Variants in CD38 observed in about 807,000 individuals in gnomAD.
CD38 encodes the protein ADP-ribosyl cyclase/cyclic ADP-ribose hydrolase 1.
CD38 carries 31 observed loss-of-function variants against 36.3 expected under a neutral mutation model. The observed-to-expected ratio is 0.85, with a 90% CI of 0.64 to 1.15. The LOEUF (loss-of-function observed/expected upper bound fraction) is 1.15. Ranked by LOEUF, CD38 falls within the 50% of genes most tolerant of loss-of-function variation. CD38 has a pLI of 0.00. For missense variants in CD38, 380 were observed against 371.9 expected (o/e 1.02, Z -0.18); for synonymous variants, 131 against 135.2 (o/e 0.97, Z 0.22).
chr4:15,787,424 C>T (rs1429497245), intron 1 of CD38, among the ~76,000 whole-genome samples: 1 of 152,230 alleles, frequency 6.6e-6, no homozygotes. Flanking sequence ...GTCTCTTCCT[C>T]CACCTGCCAT....
In CD38 at chr4:15,849,155, C is replaced by T. The variant is rs1027224616; in HGVS notation, c.*553C>T. 6.6e-5 allele frequency: 10 copies of T among 152,238 alleles called. No individual in the cohort carries two copies. The highest frequency in any genetic ancestry group is 2.4e-4 in the African/African-American group (10 of 41,438). 9.4% of individuals were successfully genotyped at this position (152,238 alleles called of 1,614,324 possible). ...TGGTGCTTTACCCCAACCCTTCCAA[C>T]AGTGCTGTGAGGTTGGTATTATTTC... On this transcript the variant is annotated 3_prime_UTR_variant, in exon 8 of 8. Coordinates refer to ENST00000226279, the MANE Select transcript of CD38 (RefSeq NM_001775.4).
chr4:15,810,474 G>C (rs953407875), intron 1 of CD38, among the ~76,000 whole-genome samples: 4 of 152,144 alleles, frequency 2.6e-5, no homozygotes, highest in African/African-American at 9.7e-5. Context: ...ATGGGAACAG[G>C]AAGTTCCCAA....
intron 1 of CD38, among the ~76,000 whole-genome samples, chr4:15,787,352 C>G (rs1722861041): frequency 6.6e-6 from 1 of 152,234 alleles, no homozygotes; most frequent in Non-Finnish European, 1.5e-5. Flanking sequence ...GAGCCTAGTA[C>G]AGAATGAAAA....
intron 1 of CD38, among the ~76,000 whole-genome samples, chr4:15,814,196 C>G (rs1723533354): frequency 6.6e-6 from 1 of 152,184 alleles, no homozygotes; most frequent in Admixed American, 6.5e-5. Flanking sequence ...CTCTAATGAC[C>G]AGTGATGATA....
intron 1 of CD38, among the ~76,000 whole-genome samples, chr4:15,804,984 C>T (rs899348456): frequency 6.6e-6 from 1 of 152,042 alleles, no homozygotes; most frequent in Admixed American, 6.6e-5. Context: ...TACACAGATT[C>T]GATCATTATG....
At chr4:15,833,922 GGATA>G (rs1463144786) in intron 3 of CD38, among the ~76,000 whole-genome samples, 10 of 152,306 alleles carry the variant, frequency 6.6e-5, no homozygotes, top group Admixed American at 4.6e-4. Flanking sequence ...CCTGGACTGG[GGATA>G]ATCCTAGAGG....
In CD38 at chr4:15,804,294, C is replaced by T. The variant is rs534364256; in HGVS notation, c.234-12217C>T. Among the ~76,000 whole-genome samples, 140 of 152,156 alleles carry T rather than the reference C, an allele frequency of 9.2e-4. 1 individual carries two copies. Among genetic ancestry groups the T allele is most frequent in the Middle Eastern group, 3.4e-3 (1 of 294 alleles). ...TACATTCCCACCAACAGTGTATAAG[C>T]GACAAAGAAAATTCTCACACATTGT... On this transcript the variant is annotated intron_variant, in intron 1 of 7. Coordinates refer to ENST00000226279, the MANE Select transcript of CD38 (RefSeq NM_001775.4).
At chr4:15,779,183 T>C (rs1722632298) in intron 1 of CD38, among the ~76,000 whole-genome samples, 1 of 152,172 alleles carries the variant, frequency 6.6e-6, no homozygotes, top group Admixed American at 6.5e-5. Context: ...CCACGGAACT[T>C]AGTTTTATTC....
rs530695018 is a variant in CD38, at chr4:15,818,676, G to C, written c.363+2036G>C. On this transcript the variant is annotated intron_variant, in intron 2 of 7. Coordinates refer to ENST00000226279, the MANE Select transcript of CD38 (RefSeq NM_001775.4). ...GAAGGAGCAGGCTGTCATCTTTGCT[G>C]TTCTGTAGCCTCCACTCGTGATACC... is the stretch of plus-strand genomic sequence containing the variant. 4.5e-4 allele frequency among the ~76,000 whole-genome samples: 69 copies of C among 152,306 alleles called. No individual in the cohort carries two copies. The South Asian group carries it at 0.014, about 30-fold the overall frequency.
At chr4:15,795,958 T>C (rs1351512010) in intron 1 of CD38, among the ~76,000 whole-genome samples, 2 of 152,156 alleles carry the variant, frequency 1.3e-5, no homozygotes, top group African/African-American at 4.8e-5. Flanking sequence ...AAGCAAATAT[T>C]ATAAAGTTAT....
chr4:15,791,062 C>T (rs1453345892), intron 1 of CD38, among the ~76,000 whole-genome samples: 1 of 133,106 alleles, frequency 7.5e-6, no homozygotes, highest in Non-Finnish European at 1.6e-5. Context: ...GGTCAGCCCC[C>T]CGCCCGGCCA....
chr4:15,829,873 T>C (rs1259057058), intron 3 of CD38, among the ~76,000 whole-genome samples: 2 of 152,198 alleles, frequency 1.3e-5, no homozygotes, highest in Non-Finnish European at 2.9e-5. Flanking sequence ...TTATTTCACT[T>C]AACATAATGA....
chr4:15,834,985 C>T (rs1053845608), intron 4 of CD38, among the ~76,000 whole-genome samples: 20 of 152,100 alleles, frequency 1.3e-4, no homozygotes, highest in Admixed American at 8.5e-4. Flanking sequence ...GTGATGAAAT[C>T]GGGGTAATTA....
chr4:15,821,491 A>G (rs58955205), intron 2 of CD38, among the ~76,000 whole-genome samples: 8,949 of 152,116 alleles, frequency 0.059, 363 homozygotes, highest in East Asian at 0.18. Flanking sequence ...ATACAATAAA[A>G]TGATAAAGGG....
chr4:15,793,323 A>T (rs62290646), intron 1 of CD38, among the ~76,000 whole-genome samples: 1,588 of 152,160 alleles, frequency 0.01, 8 homozygotes, highest in Middle Eastern at 0.048. Context: ...ATGAGCTCAT[A>T]TTGATAATTT....
In CD38 at chr4:15,840,566, A is replaced by G. The variant is rs757021097; in HGVS notation, c.839+28A>G. 6 of 1,310,652 alleles carry G rather than the reference A, an allele frequency of 4.6e-6. No individual in the cohort carries two copies. In the South Asian group the frequency reaches 4.9e-5, roughly 11 times the overall value. 81.2% of individuals were successfully genotyped at this position (1,310,652 alleles called of 1,614,324 possible). On this transcript the variant is annotated intron_variant, in intron 7 of 7. Transcript: ENST00000226279. ...AATTAATTTCTTCTTGAAGAAAAAA[A>G]TGACTGTCTTGTCACCTGTAGAATT...
At chr4:15,803,825 C>T (rs1441168965) in intron 1 of CD38, among the ~76,000 whole-genome samples, 2 of 145,306 alleles carry the variant, frequency 1.4e-5, no homozygotes, top group East Asian at 3.8e-4. Context: ...TCTTATACTC[C>T]CCAGTGCCTA....
intron 3 of CD38, among the ~76,000 whole-genome samples, chr4:15,827,441 T>C (rs917591768): frequency 6.6e-6 from 1 of 152,194 alleles, no homozygotes; most frequent in African/African-American, 2.4e-5. Flanking sequence ...CCTACTATTT[T>C]TACTTTCACA....
At position 15,791,118 on chromosome 4, in the gene CD38, T is replaced by G. The variant is rs1167569823; in HGVS notation, c.233+12471T>G. On this transcript the variant is annotated intron_variant, in intron 1 of 7. Transcript: ENST00000226279. Reference sequence around the variant, plus strand: ...AGGGGCTCCTCTGCCCGGCCGCCCCTACTGGGAAGTGAGGAGCCCCTCTGC... The same window carrying G: ...AGGGGCTCCTCTGCCCGGCCGCCCCGACTGGGAAGTGAGGAGCCCCTCTGC... Among the ~76,000 whole-genome samples, 6 of 109,464 alleles carry G rather than the reference T, an allele frequency of 5.5e-5. No individual in the cohort carries two copies. In the East Asian group the frequency reaches 1.8e-3, roughly 33 times the overall value. The allele number at this position is 109,464 out of a possible 152,430, so 71.8% of individuals were successfully genotyped here.
Sources: gnomAD v4.1 joint callset for allele counts (sites outside exome capture counted in the v4.1 genomes callset) on GRCh38, gnomAD v4.1.1 for gene constraint, MANE v1.5 for transcripts, NCBI Gene and HGNC (gene_info 2026-07-23, HGNC 2026-07-21) for gene names.